Variants in ADGRB3 observed in about 807,000 individuals in gnomAD.
ADGRB3 encodes adhesion G protein-coupled receptor B3.
In ADGRB3, 37 loss-of-function variants were observed where a neutral mutation model predicts 193.4. That is an observed-to-expected ratio of 0.19 (90% CI 0.15 to 0.25). The LOEUF (loss-of-function observed/expected upper bound fraction) is 0.25. Ranked by LOEUF, ADGRB3 falls within the 10% of genes least tolerant of loss-of-function variation. The probability of loss-of-function intolerance (pLI) is 1.00; values close to 1 mark genes in which losing one functional copy is unlikely to be tolerated. For synonymous variants in ADGRB3, 690 were observed against 644.2 expected, an observed-to-expected ratio of 1.07 and a Z score of -1.08; for missense variants, 1,637 against 1,852.9, an observed-to-expected ratio of 0.88 and a Z score of 2.14.
intron 16 of ADGRB3, 95 bp from the exon 17 acceptor site, chr6:69,075,900 A>G (rs1300479099): frequency 8.6e-6 from 8 of 927,020 alleles, no homozygotes; most frequent in Non-Finnish European, 1.4e-5. Context: ...CCACAAGATA[A>G]GAAATCTTCC....
chr6:69,172,643 C>CAAAAAAAAAAAAAAAAAAAAAGAAA (rs1775305742), intron 17 of ADGRB3, among the ~76,000 whole-genome samples: 1 of 26,828 alleles, frequency 3.7e-5, no homozygotes, highest in Non-Finnish European at 6.0e-5. Flanking sequence ...GACTCTGTCT[C>CAAAAAAAAAAAAAAAAAAAAAGAAA]AAAAAAAAAA....
At chr6:68,831,803 T>A (rs1279466768) in intron 3 of ADGRB3, among the ~76,000 whole-genome samples, 1 of 152,216 alleles carries the variant, frequency 6.6e-6, no homozygotes, top group Non-Finnish European at 1.5e-5. Flanking sequence ...CATAGTTATA[T>A]CTTGAATTAC....
intron 20 of ADGRB3, among the ~76,000 whole-genome samples, chr6:69,298,845 G>A (rs573249680): frequency 6.6e-6 from 1 of 152,074 alleles, no homozygotes; most frequent in Non-Finnish European, 1.5e-5. Flanking sequence ...ATAAATGTAA[G>A]AGCTCAGATA....
At chr6:68,649,901 G>A (rs771310972) in intron 3 of ADGRB3, among the ~76,000 whole-genome samples, 1 of 152,062 alleles carries the variant, frequency 6.6e-6, no homozygotes, top group African/African-American at 2.4e-5. Flanking sequence ...TGGTGACCAC[G>A]CGCCTTACTC....
chr6:69,354,240 A>T lies in ADGRB3; in HGVS notation c.3467A>T (p.Asp1156Val). 6.2e-7 allele frequency: 1 copy of T among 1,613,504 alleles called. No individual in the cohort carries two copies. Among genetic ancestry groups the T allele is most frequent in the Non-Finnish European group, 8.5e-7 (1 of 1,179,466 alleles). Residue 1156 changes from aspartate to valine, a missense_variant, in exon 27 of 32, where the codon GAT becomes GTT. Physicochemically the swap from Asp to Val is radical, Grantham distance 152 (BLOSUM62 -3). Transcript: ENST00000370598. ...VHCILRREVQDAFRCRLRNCQ... is the reference protein window; with the variant it reads ...VHCILRREVQVAFRCRLRNCQ... ...TGTTCCCCCTCCCCACAGGTTCAGG[A>T]TGCATTTAGATGCCGATTGAGAAAC...
At chr6:68,988,041 T>C (rs538113842) in intron 10 of ADGRB3, among the ~76,000 whole-genome samples, 1 of 152,288 alleles carries the variant, frequency 6.6e-6, no homozygotes, top group East Asian at 1.9e-4. Context: ...CCAACATTTG[T>C]GGATTATAGT....
intron 17 of ADGRB3, among the ~76,000 whole-genome samples, chr6:69,198,872 A>G (rs1228420642): frequency 6.6e-6 from 1 of 152,146 alleles, no homozygotes; most frequent in Non-Finnish European, 1.5e-5. Flanking sequence ...CTATAATATC[A>G]TTTTCTACAT....
intron 16 of ADGRB3, among the ~76,000 whole-genome samples, chr6:69,067,791 C>T (rs1051386301): frequency 2.6e-5 from 4 of 152,170 alleles, no homozygotes; most frequent in African/African-American, 9.7e-5. Flanking sequence ...AAATTGCTCT[C>T]TGGCTACATT....
At chr6:69,041,253 A>T (rs1200810681) in intron 13 of ADGRB3, among the ~76,000 whole-genome samples, 1 of 152,214 alleles carries the variant, frequency 6.6e-6, no homozygotes, top group Non-Finnish European at 1.5e-5. Context: ...GTCTGTGTAG[A>T]TAACTGAATG....
At chr6:69,329,421 T>C (rs993507528) in intron 22 of ADGRB3, among the ~76,000 whole-genome samples, 1 of 152,214 alleles carries the variant, frequency 6.6e-6, no homozygotes, top group African/African-American at 2.4e-5. Flanking sequence ...TTTGTGTACA[T>C]ATATAATTAC....
intron 17 of ADGRB3, among the ~76,000 whole-genome samples, chr6:69,195,754 A>G (rs1177120253): frequency 6.6e-6 from 1 of 152,146 alleles, no homozygotes; most frequent in African/African-American, 2.4e-5. Context: ...AGACTGAACA[A>G]AGTCCTGGTG....
At chr6:68,972,773 A>C (rs1268681983) in intron 8 of ADGRB3, among the ~76,000 whole-genome samples, 1 of 152,212 alleles carries the variant, frequency 6.6e-6, no homozygotes, top group Non-Finnish European at 1.5e-5. Flanking sequence ...GGTATGAATG[A>C]TTCTGAGAAG....
chr6:69,264,279 C>T (rs1164769857), intron 20 of ADGRB3, among the ~76,000 whole-genome samples: 1 of 151,872 alleles, frequency 6.6e-6, no homozygotes, highest in Non-Finnish European at 1.5e-5. Context: ...AGATTTATAA[C>T]TAGAAACCGC....
intron 17 of ADGRB3, among the ~76,000 whole-genome samples, chr6:69,205,787 T>A (rs1320833884): frequency 2.6e-5 from 4 of 151,728 alleles, no homozygotes; most frequent in African/African-American, 4.8e-5. Context: ...TCATGTAATT[T>A]TTTTACATTA....
At chr6:68,938,921 C>A (rs1370827005) in intron 5 of ADGRB3, among the ~76,000 whole-genome samples, 1 of 152,182 alleles carries the variant, frequency 6.6e-6, no homozygotes, top group East Asian at 1.9e-4. Context: ...ACCCTTTCAA[C>A]ATACAGGGAT....
intron 4 of ADGRB3, among the ~76,000 whole-genome samples, chr6:68,933,917 A>G (rs1045871177): frequency 6.6e-6 from 1 of 152,172 alleles, no homozygotes; most frequent in South Asian, 2.1e-4. Context: ...CTTTTAGTTC[A>G]TACTATCTCC....
chr6:68,956,042 AGTGGAGTTC>A lies in ADGRB3; in HGVS notation c.1221_1229del (p.Ser408_Ser410del). 6.2e-7 allele frequency: 1 copy of A among 1,613,482 alleles called. No homozygotes were observed. The highest frequency in any genetic ancestry group is 8.5e-7 in the Non-Finnish European group (1 of 1,179,820). ...TTGGTAGTTGATGGACAGTGGCAAG[AGTGGAGTTC>A]GTGGAGCCAGTGCTCAGTAACGTGC... On this transcript the variant is annotated inframe_deletion, in exon 7 of 32. Transcript: ENST00000370598.
chr6:69,090,287 T>A (rs1772668507), intron 17 of ADGRB3, among the ~76,000 whole-genome samples: 1 of 152,194 alleles, frequency 6.6e-6, no homozygotes, highest in Admixed American at 6.5e-5. Context: ...TGGGACCTTG[T>A]CTGTTGTTGA....
At chr6:68,713,399 A>G (rs184452563) in intron 3 of ADGRB3, among the ~76,000 whole-genome samples, 87 of 151,834 alleles carry the variant, frequency 5.7e-4, no homozygotes, top group African/African-American at 2.1e-3. Flanking sequence ...ATTCTTAGGC[A>G]TAGTTTATAT....
Sources: allele counts gnomAD v4.1 joint callset (sites outside exome capture counted in the v4.1 genomes callset), GRCh38; gene constraint gnomAD v4.1.1; transcripts MANE v1.5; gene names NCBI Gene and HGNC (gene_info 2026-07-23, HGNC 2026-07-21).